MPP7: variants seen among roughly 807,000 people sequenced by gnomAD.
MPP7 encodes MAGUK p55 subfamily member 7.
In MPP7, 60 loss-of-function variants were observed where a neutral mutation model predicts 76.5. The observed-to-expected ratio is 0.78, with a 90% CI of 0.64 to 0.97. MPP7 has a LOEUF of 0.97. MPP7 is among the 50% of genes least tolerant of loss of function. The pLI, the probability that MPP7 is intolerant of heterozygous loss-of-function variation, is 0.00. For synonymous variants in MPP7, 237 were observed against 244.5 expected (o/e 0.97, Z 0.29); for missense variants, 641 against 694.0 (o/e 0.92, Z 0.86).
At chr10:28,329,938 T>A (rs55866604) in exon 2 of MPP7, 1 of 152,200 alleles carries the variant, frequency 6.6e-6, no homozygotes, top group African/African-American at 2.4e-5. Flanking sequence ...CCTTTCTCCC[T>A]TCTCTTTATT....
At chr10:28,196,786 A>G (rs1173021500) in intron 3 of MPP7, among the ~76,000 whole-genome samples, 1 of 152,112 alleles carries the variant, frequency 6.6e-6, no homozygotes, top group African/African-American at 2.4e-5. Flanking sequence ...CTCTCAAACT[A>G]AAATCAGTGG....
Position 28,053,174 on chromosome 10 carries a change from A to G in MPP7, c.*891T>C, listed in dbSNP as rs972572810. 1 of 152,224 alleles carries G rather than the reference A, an allele frequency of 6.6e-6. No homozygotes were observed. Among genetic ancestry groups the G allele is most frequent in the Non-Finnish European group, 1.5e-5 (1 of 68,036 alleles). 9.4% of individuals were successfully genotyped at this position (152,224 alleles called of 1,614,324 possible). On this transcript the variant is annotated 3_prime_UTR_variant, in exon 17 of 17. Coordinates refer to ENST00000683449, the MANE Select transcript of MPP7 (RefSeq NM_001318170.2). ...TAATTGTATCAGTAATATGTAAAAC[A>G]GGTTTTACATGTTTTAGAATAGAAA... is the stretch of plus-strand genomic sequence containing the variant.
intron 1 of MPP7, among the ~76,000 whole-genome samples, chr10:28,252,817 C>A (rs1839657164): frequency 6.6e-6 from 1 of 152,128 alleles, no homozygotes; most frequent in African/African-American, 2.4e-5. Context: ...GCTTCCATTT[C>A]TGACATCCAC....
chr10:28,304,485 G>T (rs985323834), upstream of MPP7, among the ~76,000 whole-genome samples: 5 of 152,242 alleles, frequency 3.3e-5, no homozygotes, highest in African/African-American at 9.6e-5. Flanking sequence ...AAGAAGACAA[G>T]AAATTCTTTT....
intron 2 of MPP7, among the ~76,000 whole-genome samples, chr10:28,213,144 G>C (rs1169298102): frequency 6.6e-6 from 1 of 151,898 alleles, no homozygotes; most frequent in African/African-American, 2.4e-5. Flanking sequence ...TCTCGATGTT[G>C]CCCCAGGCTG....
chr10:28,059,075 G>A (rs765010113), intron 14 of MPP7, among the ~76,000 whole-genome samples: 9 of 152,254 alleles, frequency 5.9e-5, no homozygotes, highest in Non-Finnish European at 1.0e-4. Flanking sequence ...AAAGCATTTC[G>A]ATGTTTTAAT....
At chr10:28,224,774 T>G (rs2134082235) in intron 2 of MPP7, among the ~76,000 whole-genome samples, 1 of 152,200 alleles carries the variant, frequency 6.6e-6, no homozygotes. Context: ...CTATCTGTGT[T>G]AGGAGAAGTT....
chr10:28,072,247 T>A (rs1392663178), intron 12 of MPP7, among the ~76,000 whole-genome samples: 8 of 152,066 alleles, frequency 5.3e-5, no homozygotes, highest in Non-Finnish European at 5.9e-5. Context: ...GCACTCCAGC[T>A]TGGGCGACAG....
intron 5 of MPP7, among the ~76,000 whole-genome samples, chr10:28,137,915 T>A (rs1216009948): frequency 1.3e-5 from 2 of 152,194 alleles, no homozygotes; most frequent in African/African-American, 4.8e-5. Flanking sequence ...GTTCTAAGTA[T>A]CTGTCAGGTT....
chr10:28,062,444 G>T (rs565611470), intron 13 of MPP7, among the ~76,000 whole-genome samples: 1 of 150,028 alleles, frequency 6.7e-6, no homozygotes, highest in Non-Finnish European at 1.5e-5. Context: ...GGCAGAAAAA[G>T]AAGAAAAATA....
rs190921847 is a variant in MPP7, at chr10:28,163,243, G to A, written c.157-13184C>T. Among the ~76,000 whole-genome samples, 3 of 152,230 alleles carry A rather than the reference G, an allele frequency of 2.0e-5. No individual in the cohort carries two copies. In the East Asian group the frequency reaches 5.8e-4, roughly 29 times the overall value. ...CTCTGGCCACCTTGCACTTCACAGT[G>A]TCTTGAATCTAGATCCAGAGCCTTT... On this transcript the variant is annotated intron_variant, in intron 3 of 16. Transcript: ENST00000683449.
chr10:28,276,713 A>G (rs534294553), intron 1 of MPP7, among the ~76,000 whole-genome samples: 40 of 152,214 alleles, frequency 2.6e-4, no homozygotes, highest in African/African-American at 9.4e-4. Flanking sequence ...CAAAGGACAA[A>G]GTCACTGATC....
intron 1 of MPP7, among the ~76,000 whole-genome samples, chr10:28,270,554 CT>C (rs1840295917): frequency 3.2e-5 from 1 of 31,720 alleles, no homozygotes; most frequent in Non-Finnish European, 6.1e-5. Flanking sequence ...AGGAGGGGAG[CT>C]GGGGAGGGGG....
At chr10:28,180,741 A>C (rs1158601177) in intron 3 of MPP7, among the ~76,000 whole-genome samples, 1 of 152,224 alleles carries the variant, frequency 6.6e-6, no homozygotes, top group Non-Finnish European at 1.5e-5. Flanking sequence ...CCACGTGCTC[A>C]GACCCAGGTG....
chr10:28,236,653 A>G (rs1396467661), intron 2 of MPP7: 3 of 152,162 alleles, frequency 2.0e-5, no homozygotes, highest in Non-Finnish European at 4.4e-5. Context: ...GAAATAAGCA[A>G]GAAGGGAAAG....
intron 1 of MPP7, among the ~76,000 whole-genome samples, chr10:28,292,928 T>G (rs117615225): frequency 6.6e-6 from 1 of 151,542 alleles, no homozygotes; most frequent in African/African-American, 2.4e-5. Context: ...CACAAACCAC[T>G]AGGTTATTTA....
At position 28,202,275 on chromosome 10, in the gene MPP7, T is replaced by C. The variant is rs528998816; in HGVS notation, c.38-4A>G. 3.1e-6 allele frequency: 5 copies of C among 1,595,414 alleles called. No individual in the cohort carries two copies. In the African/African-American group the frequency reaches 6.7e-5, roughly 21 times the overall value. On this transcript the variant is annotated splice_polypyrimidine_tract_variant and splice_region_variant and intron_variant, in intron 2 of 16. Transcript: ENST00000683449. ...GCAGCCAACAGCTCATACAGACCTA[T>C]AAAATGAAAATAAAACACAAAGTGT...
intron 3 of MPP7, among the ~76,000 whole-genome samples, chr10:28,182,756 T>C (rs925941994): frequency 6.6e-6 from 1 of 152,166 alleles, no homozygotes; most frequent in African/African-American, 2.4e-5. Flanking sequence ...ATAAATACAA[T>C]AAATTTCATT....
chr10:28,322,357 A>G (rs1834375824), intron 2 of MPP7, among the ~76,000 whole-genome samples: 1 of 152,158 alleles, frequency 6.6e-6, no homozygotes, highest in African/African-American at 2.4e-5. Context: ...AGTTATTAAC[A>G]TTTTTCCTGC....
Sources: gnomAD v4.1 joint callset for allele counts (sites outside exome capture counted in the v4.1 genomes callset) on GRCh38, gnomAD v4.1.1 for gene constraint, MANE v1.5 for transcripts, NCBI Gene and HGNC (gene_info 2026-07-23, HGNC 2026-07-21) for gene names.